KCNIP3: variants seen among roughly 807,000 people sequenced by gnomAD.
KCNIP3 encodes potassium voltage-gated channel interacting protein 3.
In KCNIP3, 28 loss-of-function variants were observed where a neutral mutation model predicts 35.0. The observed-to-expected ratio is 0.80, with a 90% CI of 0.59 to 1.10. KCNIP3 has a LOEUF of 1.10. Ranked by LOEUF, KCNIP3 falls within the 50% of genes least tolerant of loss-of-function variation. The pLI is 0.00. For synonymous variants in KCNIP3, 134 were observed against 133.8 expected (o/e 1.00, Z -0.01); for missense variants, 295 against 338.4 (o/e 0.87, Z 1.01).
intron 1 of KCNIP3, among the ~76,000 whole-genome samples, chr2:95,297,926 C>T (rs1017263957): frequency 2.6e-5 from 4 of 152,244 alleles, no homozygotes; most frequent in African/African-American, 9.6e-5. Context: ...GGTCAATGAA[C>T]GCATCTTCTA....
chr2:95,318,143 G>C (rs1364466074), intron 2 of KCNIP3, among the ~76,000 whole-genome samples: 4 of 152,134 alleles, frequency 2.6e-5, no homozygotes, highest in African/African-American at 9.7e-5. Context: ...CTGTGACCTG[G>C]GGACAGTGAA....
chr2:95,326,219 TCATACA>T (rs1034024257), intron 2 of KCNIP3, among the ~76,000 whole-genome samples: 28 of 147,412 alleles, frequency 1.9e-4, no homozygotes, highest in African/African-American at 3.3e-4. Context: ...ACACACACAC[TCATACA>T]CATACACATA....
At chr2:95,358,527 G>C (rs905481031) in intron 2 of KCNIP3, among the ~76,000 whole-genome samples, 1 of 152,176 alleles carries the variant, frequency 6.6e-6, no homozygotes, top group Non-Finnish European at 1.5e-5. Flanking sequence ...AGCCCCCCTG[G>C]CTATCAACGG....
chr2:95,301,910 G>C (rs866223334), intron 1 of KCNIP3, among the ~76,000 whole-genome samples: 3 of 152,102 alleles, frequency 2.0e-5, no homozygotes, highest in Non-Finnish European at 4.4e-5. Flanking sequence ...GCATGTGTAC[G>C]TGTGTGTGTA....
chr2:95,377,924 A>G lies in KCNIP3; in HGVS notation c.447+2716A>G, dbSNP rs1680244222. Among the ~76,000 whole-genome samples, 1 of 152,174 alleles carries G rather than the reference A, an allele frequency of 6.6e-6. No homozygotes were observed. The highest frequency in any genetic ancestry group is 6.5e-5 in the Admixed American group (1 of 15,280). Reference sequence around the variant, plus strand: ...CCTGAGGGGCCCATGTCAGCTGAAGATAAGGTGGAGGACAGCGGTGCCTGC... The same window carrying G: ...CCTGAGGGGCCCATGTCAGCTGAAGGTAAGGTGGAGGACAGCGGTGCCTGC... On this transcript the variant is annotated intron_variant, in intron 5 of 8. Coordinates refer to ENST00000295225, the MANE Select transcript of KCNIP3 (RefSeq NM_013434.5). The surrounding 1 kb of genome is among the most constrained non-coding windows in gnomAD (Gnocchi z 4.7).
chr2:95,339,713 C>A (rs1243456078), intron 2 of KCNIP3, among the ~76,000 whole-genome samples: 1 of 152,212 alleles, frequency 6.6e-6, no homozygotes, highest in African/African-American at 2.4e-5. Context: ...GCTTTTCCAA[C>A]ACTGTGAATA....
intron 2 of KCNIP3, among the ~76,000 whole-genome samples, chr2:95,329,899 C>T (rs1201537297): frequency 1.3e-5 from 2 of 152,262 alleles, no homozygotes; most frequent in African/African-American, 4.8e-5. Context: ...TGTCTCCAAA[C>T]GCAAACCTGA....
intron 1 of KCNIP3, among the ~76,000 whole-genome samples, chr2:95,309,272 C>G (rs1469224569): frequency 6.6e-6 from 1 of 152,172 alleles, no homozygotes; most frequent in Non-Finnish European, 1.5e-5. Context: ...GGGCCAGCTG[C>G]CAGCATGGGA....
intron 1 of KCNIP3, among the ~76,000 whole-genome samples, chr2:95,297,785 C>T (rs1677908997): frequency 6.6e-6 from 1 of 152,080 alleles, no homozygotes; most frequent in Non-Finnish European, 1.5e-5. Flanking sequence ...TTGGGGTCAG[C>T]CCACGACTCA....
At chr2:95,354,011 G>A (rs928781822) in intron 2 of KCNIP3, among the ~76,000 whole-genome samples, 6 of 152,244 alleles carry the variant, frequency 3.9e-5, no homozygotes, top group Non-Finnish European at 8.8e-5. Flanking sequence ...TGGCACGGAA[G>A]TGGAGGATGC....
chr2:95,349,401 C>T (rs1164129028), intron 2 of KCNIP3, among the ~76,000 whole-genome samples: 3 of 152,176 alleles, frequency 2.0e-5, no homozygotes, highest in African/African-American at 7.2e-5. Context: ...TTATGGTGCC[C>T]TGGGGATTGT....
intron 2 of KCNIP3, among the ~76,000 whole-genome samples, chr2:95,317,810 A>G (rs1678496158): frequency 6.6e-6 from 1 of 152,144 alleles, no homozygotes; most frequent in Non-Finnish European, 1.5e-5. Flanking sequence ...GGCAGAGCTG[A>G]GGGCAGGAGT....
intron 2 of KCNIP3, among the ~76,000 whole-genome samples, chr2:95,323,118 G>A (rs1465688941): frequency 6.6e-6 from 1 of 152,224 alleles, no homozygotes. Flanking sequence ...GGAACACTAT[G>A]GGAGGGTCAG....
At chr2:95,297,634 G>C (rs1021857501) in intron 1 of KCNIP3, among the ~76,000 whole-genome samples, 181 bp downstream of exon 1, 1 of 151,968 alleles carries the variant, frequency 6.6e-6, no homozygotes, top group Non-Finnish European at 1.5e-5. Flanking sequence ...GTCCTGGCTG[G>C]TGTTGGAGTG....
At chr2:95,325,832 C>A (rs1558763747) in intron 2 of KCNIP3, among the ~76,000 whole-genome samples, 2 of 109,816 alleles carry the variant, frequency 1.8e-5, no homozygotes, top group African/African-American at 8.1e-5. Flanking sequence ...CACATACACT[C>A]ATACACACTC....
intron 2 of KCNIP3, among the ~76,000 whole-genome samples, chr2:95,360,572 TTC>T (rs770689661): frequency 1.5e-4 from 23 of 152,232 alleles, no homozygotes; most frequent in Non-Finnish European, 2.8e-4. Context: ...AGTACCAGTT[TTC>T]TGTCTTAGGC....
At chr2:95,323,744 C>T (rs1678653254) in intron 2 of KCNIP3, among the ~76,000 whole-genome samples, 2 of 152,044 alleles carry the variant, frequency 1.3e-5, no homozygotes, top group East Asian at 1.9e-4. Context: ...CCAAGCTAAG[C>T]CCCGGACAGG....
chr2:95,344,764 C>T (rs1458827568), intron 2 of KCNIP3, among the ~76,000 whole-genome samples: 1 of 152,210 alleles, frequency 6.6e-6, no homozygotes, highest in Non-Finnish European at 1.5e-5. Flanking sequence ...GCCCCTGCCA[C>T]GTGCCAGCCT....
intron 2 of KCNIP3, among the ~76,000 whole-genome samples, chr2:95,329,931 G>GC (rs1358070497): frequency 2.0e-5 from 3 of 152,162 alleles, no homozygotes; most frequent in Non-Finnish European, 4.4e-5. Context: ...CAGGGCCTTC[G>GC]CCCCCGCTCT....
Sources: gnomAD v4.1 joint callset for allele counts (sites outside exome capture counted in the v4.1 genomes callset) on GRCh38, gnomAD v4.1.1 for gene constraint, Gnocchi (gnomAD v3.1) non-coding constraint, MANE v1.5 for transcripts, NCBI Gene and HGNC (gene_info 2026-07-23, HGNC 2026-07-21) for gene names.